Variants in SPPL3 observed in about 807,000 individuals in gnomAD.
SPPL3 encodes the protein signal peptide peptidase like 3, also known as signal peptide peptidase-like 3.
SPPL3 carries 5 observed loss-of-function variants against 42.4 expected under a neutral mutation model. The ratio of observed to expected loss-of-function variants is 0.12; its 90% CI spans 0.06 to 0.25. The LOEUF is 0.25. Ranked by LOEUF, SPPL3 falls within the 10% of genes least tolerant of loss-of-function variation. The pLI is 1.00. For synonymous variants in SPPL3, 195 were observed against 181.8 expected (o/e 1.07, Z -0.58); for missense variants, 235 against 489.0 (o/e 0.48, Z 4.90).
intron 1 of SPPL3, among the ~76,000 whole-genome samples, chr12:120,894,216 C>T (rs1024365174): frequency 1.3e-5 from 2 of 152,062 alleles, no homozygotes; most frequent in African/African-American, 2.4e-5. Flanking sequence ...CCCAGCTACT[C>T]GGGAAGCTGA....
chr12:120,842,889 T>C (rs1317121718), intron 1 of SPPL3, among the ~76,000 whole-genome samples: 3 of 152,032 alleles, frequency 2.0e-5, no homozygotes, highest in African/African-American at 7.2e-5. Flanking sequence ...GCATAGTTAA[T>C]AGAAAAAAAT....
At chr12:120,835,495 C>T (rs1871584038) in intron 1 of SPPL3, 1 of 152,228 alleles carries the variant, frequency 6.6e-6, no homozygotes, top group South Asian at 2.1e-4. Flanking sequence ...CTCTGACCCA[C>T]TGTGCTGTCA....
chr12:120,897,739 A>AATT (rs1873853351), intron 1 of SPPL3, among the ~76,000 whole-genome samples: 1 of 152,116 alleles, frequency 6.6e-6, no homozygotes, highest in African/African-American at 2.4e-5. Flanking sequence ...TAATAATAAT[A>AATT]ATGAGCAAAT....
intron 1 of SPPL3, among the ~76,000 whole-genome samples, chr12:120,822,294 A>G (rs1193610857): frequency 3.5e-4 from 53 of 152,248 alleles, no homozygotes; most frequent in Admixed American, 3.5e-3. Flanking sequence ...CAACTTTTAT[A>G]AAACTTAAGG....
chr12:120,786,178 C>T (rs76980126), intron 3 of SPPL3, among the ~76,000 whole-genome samples: 1 of 152,280 alleles, frequency 6.6e-6, no homozygotes, highest in East Asian at 1.9e-4. Flanking sequence ...GAAAAGTGAA[C>T]TATGTGTCAT....
chr12:120,893,648 C>T (rs1379127446), intron 1 of SPPL3, among the ~76,000 whole-genome samples: 1 of 152,136 alleles, frequency 6.6e-6, no homozygotes, highest in Non-Finnish European at 1.5e-5. Context: ...AATTCAATAG[C>T]CTGCTTTTTC....
intron 1 of SPPL3, among the ~76,000 whole-genome samples, chr12:120,819,499 C>T (rs1870983086): frequency 6.6e-6 from 1 of 152,158 alleles, no homozygotes; most frequent in Admixed American, 6.5e-5. Flanking sequence ...TTGATAAAAA[C>T]ACTTTTTTTC....
rs560920527 is a variant in SPPL3, at chr12:120,766,359, A to G, written c.987T>C (p.Ala329=). 14 of 1,588,692 alleles carry G rather than the reference A, an allele frequency of 8.8e-6. No individual in the cohort carries two copies. The African/African-American group carries it at 1.9e-4, about 21-fold the overall frequency. ...LIGYFVGLLT[A]TVASRIHRAA... ...CCCGGTGAATGCGAGACGCCACAGT[A>G]GCAGTGAGCAGGCCTGTGAGGAGAG... Residue 329 remains alanine (A), a synonymous_variant, in exon 10 of 11, where the codon GCT becomes GCC. Transcript: ENST00000353487.
chr12:120,849,521 T>C (rs547162688), intron 1 of SPPL3, among the ~76,000 whole-genome samples: 1 of 152,332 alleles, frequency 6.6e-6, no homozygotes, highest in African/African-American at 2.4e-5. Flanking sequence ...AATGTAGACA[T>C]GTTGAGAAGA....
intron 2 of SPPL3, among the ~76,000 whole-genome samples, chr12:120,810,065 T>A (rs1214641055): frequency 6.6e-6 from 1 of 152,090 alleles, no homozygotes; most frequent in Non-Finnish European, 1.5e-5. Context: ...CTCAATCTCC[T>A]GGGCTTAAGT....
intron 1 of SPPL3, among the ~76,000 whole-genome samples, chr12:120,821,990 A>AG (rs1246816554): frequency 6.9e-6 from 1 of 143,920 alleles, no homozygotes; most frequent in Non-Finnish European, 1.6e-5. Context: ...GAAATAAACC[A>AG]GAAAAAAGAG....
intron 1 of SPPL3, among the ~76,000 whole-genome samples, chr12:120,894,997 C>CCT (rs1873757214): frequency 6.6e-6 from 1 of 152,078 alleles, no homozygotes. Context: ...CCTCCTCAGG[C>CCT]ATTTTTAGAA....
chr12:120,881,456 A>G (rs1191248879), intron 1 of SPPL3, among the ~76,000 whole-genome samples: 3 of 106,478 alleles, frequency 2.8e-5, no homozygotes, highest in Non-Finnish European at 5.7e-5. Flanking sequence ...CAAAAGAGTG[A>G]GACTGCCTCA....
intron 3 of SPPL3, among the ~76,000 whole-genome samples, chr12:120,789,905 CTTGTTT>C (rs1323283414): frequency 7.0e-5 from 10 of 142,218 alleles, no homozygotes; most frequent in Non-Finnish European, 1.4e-4. Flanking sequence ...ACAACCATTT[CTTGTTT>C]TTGTTTGTTT....
At chr12:120,902,104 T>C (rs1343224043) in intron 1 of SPPL3, among the ~76,000 whole-genome samples, 1 of 152,200 alleles carries the variant, frequency 6.6e-6, no homozygotes, top group African/African-American at 2.4e-5. Context: ...GAAGCTGAAA[T>C]TGTAATCTTG....
intron 1 of SPPL3, among the ~76,000 whole-genome samples, chr12:120,836,479 A>G (rs898185037): frequency 5.3e-5 from 8 of 152,172 alleles, no homozygotes; most frequent in Non-Finnish European, 1.0e-4. Flanking sequence ...ATGCATGTGA[A>G]TGAGACCATC....
chr12:120,853,841 C>T (rs1566061291), intron 1 of SPPL3, among the ~76,000 whole-genome samples: 2 of 152,082 alleles, frequency 1.3e-5, no homozygotes, highest in South Asian at 2.1e-4. Flanking sequence ...TTCACATTTT[C>T]ATAGCAATTC....
intron 1 of SPPL3, chr12:120,845,372 T>C: frequency 2.2e-5 from 8 of 365,482 alleles, no homozygotes; most frequent in South Asian, 2.2e-4. Flanking sequence ...CCTCTGTCAG[T>C]GCTGTCCACT....
intron 1 of SPPL3, among the ~76,000 whole-genome samples, chr12:120,822,442 C>T (rs1235291529): frequency 3.3e-5 from 5 of 152,074 alleles, no homozygotes; most frequent in Non-Finnish European, 7.4e-5. Flanking sequence ...AAAAGCATCC[C>T]TACAATTCCA....
Sources: gnomAD v4.1 joint callset for allele counts (sites outside exome capture counted in the v4.1 genomes callset) on GRCh38, gnomAD v4.1.1 for gene constraint, MANE v1.5 for transcripts, NCBI Gene and HGNC (gene_info 2026-07-23, HGNC 2026-07-21) for gene names.